Variants in CYP11A1 observed in about 807,000 individuals in gnomAD.
The protein encoded by CYP11A1 is cytochrome P450 family 11 subfamily A member 1.
In CYP11A1, 25 loss-of-function variants were observed where a neutral mutation model predicts 51.9. That is an observed-to-expected ratio of 0.48 (90% CI 0.35 to 0.67). CYP11A1 has a LOEUF of 0.67. Among genes scored for constraint, CYP11A1 ranks in the 30% least tolerant of loss-of-function variants. The pLI is 0.00. For synonymous variants in CYP11A1, 245 were observed against 262.1 expected, an observed-to-expected ratio of 0.93 and a Z score of 0.63; for missense variants, 578 against 680.9, an observed-to-expected ratio of 0.85 and a Z score of 1.68.
rs752607230 is a variant in CYP11A1, at chr15:74,347,626, A to G, written c.425+274T>C. Among the ~76,000 whole-genome samples, 10 of 152,248 alleles carry G rather than the reference A, an allele frequency of 6.6e-5. No individual in the cohort carries two copies. The South Asian group carries it at 2.1e-3, about 32-fold the overall frequency. On this transcript the variant is annotated intron_variant, in intron 2 of 8. Coordinates refer to ENST00000268053, the MANE Select transcript of CYP11A1 (RefSeq NM_000781.3). ...TCAGTAAGGTGGGACTCAGTGAGCA[A>G]ACCAGTCAGTGAGAACTTTGCCAGA...
chr15:74,344,752 G>A (rs550064670), intron 3 of CYP11A1, among the ~76,000 whole-genome samples: 8 of 152,316 alleles, frequency 5.3e-5, no homozygotes, highest in Middle Eastern at 3.4e-3. Flanking sequence ...TGGCTTTGGC[G>A]GATGGTGGCA....
At chr15:74,362,110 C>T in intron 1 of CYP11A1, 1 of 992,328 alleles carries the variant, frequency 1.0e-6, no homozygotes, top group Non-Finnish European at 1.5e-6. Context: ...ACAGCACCCT[C>T]CACCCCATTT....
At chr15:74,341,399 C>T (rs1480695041) in intron 5 of CYP11A1, among the ~76,000 whole-genome samples, 1 of 152,202 alleles carries the variant, frequency 6.6e-6, no homozygotes, top group Non-Finnish European at 1.5e-5. Flanking sequence ...CAGAGTGTAA[C>T]ACAGATATAA....
chr15:74,338,541 G>C, intron 8 of CYP11A1, 30 bp downstream of exon 8: 1 of 1,610,860 alleles, frequency 6.2e-7, no homozygotes, highest in Non-Finnish European at 8.5e-7. Context: ...GGCCAGCCCA[G>C]GGTGCCTAGA....
intron 1 of CYP11A1, among the ~76,000 whole-genome samples, chr15:74,359,813 G>A (rs567334782): frequency 1.2e-4 from 19 of 152,156 alleles, no homozygotes; most frequent in Middle Eastern, 3.4e-3. Flanking sequence ...CTGGCATGCC[G>A]GTGAAAGGAT....
In CYP11A1 at chr15:74,339,247, A is replaced by G. The variant is rs771663597; in HGVS notation, c.1226T>C (p.Ile409Thr). Residue 409 changes from isoleucine (I) to threonine (T), a missense_variant, in exon 7 of 9, where the codon ATT becomes ACT. By Grantham distance (89) the Ile-to-Thr change is moderately conservative (BLOSUM62 -1). Transcript: ENST00000268053. Reference protein sequence around the residue: ...VNDLVLRDYMIPAKTLVQVAI... With the variant: ...VNDLVLRDYMTPAKTLVQVAI... ...GCTGGCTGCACCTACCTTGGCAGGA[A>G]TCATGTAATCTCGAAGAACCAAGTC... is the stretch of plus-strand genomic sequence containing the variant. 1.2e-6 allele frequency: 2 copies of G among 1,613,680 alleles called. No individual in the cohort carries two copies. The highest frequency in any genetic ancestry group is 2.2e-5 in the South Asian group (2 of 91,082).
intron 1 of CYP11A1, among the ~76,000 whole-genome samples, chr15:74,360,970 G>A (rs942323030): frequency 3.3e-5 from 5 of 152,224 alleles, no homozygotes; most frequent in Admixed American, 3.3e-4. Flanking sequence ...CATGCAAGGT[G>A]TATAAGAACA....
chr15:74,355,294 T>C (rs1342618887), intron 1 of CYP11A1, among the ~76,000 whole-genome samples: 2 of 152,170 alleles, frequency 1.3e-5, no homozygotes, highest in Non-Finnish European at 2.9e-5. Context: ...AACTCAACAA[T>C]GGTTCCAAAT....
chr15:74,351,488 A>G (rs764396382), intron 1 of CYP11A1, among the ~76,000 whole-genome samples: 1 of 152,190 alleles, frequency 6.6e-6, no homozygotes, highest in Non-Finnish European at 1.5e-5. Flanking sequence ...CATCCAGTTC[A>G]CATTACAGTT....
At chr15:74,353,589 G>A (rs1596164535) in intron 1 of CYP11A1, among the ~76,000 whole-genome samples, 1 of 152,170 alleles carries the variant, frequency 6.6e-6, no homozygotes, top group Non-Finnish European at 1.5e-5. Context: ...TGAACTTAAG[G>A]ATACTGAATT....
chr15:74,339,862 C>T (rs937052598), intron 5 of CYP11A1, 109 bp from the exon 6 acceptor site: 18 of 1,049,482 alleles, frequency 1.7e-5, no homozygotes, highest in Middle Eastern at 2.7e-4. Flanking sequence ...TCTTTCTCCC[C>T]GAACCCCATC....
At position 74,338,611 on chromosome 15, in the gene CYP11A1, C is replaced by T. The variant is rs1214230982; in HGVS notation, c.1394G>A (p.Arg465Gln). Residue 465 changes from arginine (R) to glutamine (Q), a missense_variant, in exon 8 of 9, where the codon CGG (arginine) becomes CAG (glutamine). Coordinates refer to ENST00000268053, the MANE Select transcript of CYP11A1 (RefSeq NM_000781.3). ...GGTCATCTCTAGCTCAGCGATCCGC[C>T]GTCCCAGACACTGCCGCACACCCCA... is the stretch of plus-strand genomic sequence containing the variant. ...FGWGVRQCLG[R>Q]RIAELEMTIF... 3.7e-6 allele frequency: 6 copies of T among 1,614,124 alleles called. No individual in the cohort carries two copies. Among genetic ancestry groups the T allele is most frequent in the Non-Finnish European group, 5.1e-6 (6 of 1,180,012 alleles).
intron 1 of CYP11A1, chr15:74,350,072 A>C (rs2060648990): frequency 2.8e-6 from 1 of 357,464 alleles, no homozygotes; most frequent in Non-Finnish European, 5.5e-6. Flanking sequence ...TTAAAATATA[A>C]AATAATTTTA....
At chr15:74,354,118 G>A (rs918641705) in intron 1 of CYP11A1, among the ~76,000 whole-genome samples, 1 of 152,122 alleles carries the variant, frequency 6.6e-6, no homozygotes, top group Non-Finnish European at 1.5e-5. Flanking sequence ...GTCAAGCAGG[G>A]TCCCTGGGGC....
rs201802292 is a variant in CYP11A1, at chr15:74,346,372, AAG to A, written c.426-1131_426-1130del. ...TGCCTCAAAAAAAAAAAAAAAAAAA[AAG>A]AAAGAAAGAAAGAAAAGCTGTCATG... On this transcript the variant is annotated intron_variant, in intron 2 of 8. Coordinates refer to ENST00000268053, the MANE Select transcript of CYP11A1 (RefSeq NM_000781.3). Among the ~76,000 whole-genome samples, 259 of 132,414 alleles carry A rather than the reference AAG, an allele frequency of 2.0e-3. 4 individuals are homozygous for A. Among genetic ancestry groups the A allele is most frequent in the African/African-American group, 6.8e-3 (249 of 36,366 alleles). 86.9% of individuals were successfully genotyped at this position (132,414 alleles called of 152,430 possible).
In CYP11A1 at chr15:74,361,605, C is replaced by G. The variant is rs981429800; in HGVS notation, c.269+5712G>C. Reference sequence around the variant, plus strand: ...TCGCAGTCACGGCGAGCCCTTGGGTCACGTCTCCTTTGAGCTGTTTGCAGA... The same window carrying G: ...TCGCAGTCACGGCGAGCCCTTGGGTGACGTCTCCTTTGAGCTGTTTGCAGA... On this transcript the variant is annotated intron_variant, in intron 1 of 8. Coordinates refer to ENST00000268053, the MANE Select transcript of CYP11A1 (RefSeq NM_000781.3). The G allele has an allele frequency of 2.7e-6, 3 of 1,115,794 alleles. No homozygotes were observed. The African/African-American group carries it at 4.6e-5, about 17-fold the overall frequency. The allele number at this position is 1,115,794 out of a possible 1,614,324, so 69.1% of individuals were successfully genotyped here.
chr15:74,342,348 C>G (rs1320580566), intron 5 of CYP11A1, among the ~76,000 whole-genome samples: 1 of 152,194 alleles, frequency 6.6e-6, no homozygotes, highest in East Asian at 1.9e-4. Flanking sequence ...TCCCAAAGTG[C>G]TGGGATTACA....
chr15:74,353,003 C>T (rs2060662834), intron 1 of CYP11A1, among the ~76,000 whole-genome samples: 3 of 152,194 alleles, frequency 2.0e-5, no homozygotes, highest in Admixed American at 2.0e-4. Flanking sequence ...TTGTTCTTAT[C>T]TATAAATGCC....
In CYP11A1 at chr15:74,339,639, T is replaced by C. The variant is rs1239259593; in HGVS notation, c.1105A>G (p.Thr369Ala). The stretch of plus-strand genomic sequence containing the variant: ...AGGAGGGGGACCAGCTGTAGCATCG[T>C]GGCCATGTCTCCCTGGGCCTGGTGC... ...ARHQAQGDMA[T>A]MLQLVPLLKA... Residue 369 changes from threonine (T) to alanine (A), a missense_variant, in exon 6 of 9, where the codon ACG becomes GCG. Transcript: ENST00000268053. The C allele has an allele frequency of 1.9e-6, 3 of 1,614,170 alleles. No homozygotes were observed. The highest frequency in any genetic ancestry group is 2.5e-6 in the Non-Finnish European group (3 of 1,180,012).
Sources: gnomAD v4.1 joint callset for allele counts (sites outside exome capture counted in the v4.1 genomes callset) on GRCh38, gnomAD v4.1.1 for gene constraint, MANE v1.5 for transcripts, NCBI Gene and HGNC (gene_info 2026-07-23, HGNC 2026-07-21) for gene names.